The following EDA variants were observed in gnomAD, a reference collection of about 807,000 sequenced individuals.
The protein encoded by EDA is ectodysplasin-A.
In EDA, 2 loss-of-function variants were observed where a neutral mutation model predicts 23.6. The observed-to-expected ratio is 0.08, with a 90% confidence interval of 0.03 to 0.27. EDA has a LOEUF of 0.27. EDA is among the 10% of genes least tolerant of loss of function. EDA has a pLI of 1.00. For synonymous variants in EDA, 131 were observed against 132.0 expected (o/e 0.99, Z 0.05); for missense variants, 229 against 324.2 (o/e 0.71, Z 2.26).
At chrX:69,878,893 G>A (rs979269529) in intron 1 of EDA, among the ~76,000 whole-genome samples, 1 of 110,808 alleles carries the variant, frequency 9.0e-6, no homozygotes, top group Non-Finnish European at 1.9e-5. Flanking sequence ...CAGTGCATAC[G>A]ACTCCTCCAA....
At chrX:69,736,598 G>A (rs1015866949) in intron 1 of EDA, among the ~76,000 whole-genome samples, 3 of 110,386 alleles carry the variant, frequency 2.7e-5, no homozygotes, top group Non-Finnish European at 5.7e-5. Flanking sequence ...CAAAGTGCTG[G>A]GATTACAGGC....
intron 1 of EDA, among the ~76,000 whole-genome samples, chrX:69,672,779 G>T (rs1273955248): frequency 9.1e-6 from 1 of 110,346 alleles, no homozygotes; most frequent in African/African-American, 3.3e-5. Flanking sequence ...CTTCTGAGGA[G>T]GCTGAGGCAG....
chrX:69,639,503 G>A (rs757478437), intron 1 of EDA, among the ~76,000 whole-genome samples: 36 of 111,780 alleles, frequency 3.2e-4, no homozygotes, highest in African/African-American at 1.2e-3. Context: ...GATTGGCATT[G>A]CCCTAAAAAC....
At chrX:69,743,110 A>T (rs1256598141) in intron 1 of EDA, 1 of 111,285 alleles carries the variant, frequency 9.0e-6, no homozygotes, top group East Asian at 2.8e-4. Context: ...AACTAATACA[A>T]GTACTTCCCT....
chrX:69,810,675 G>C (rs2015933563), intron 1 of EDA, among the ~76,000 whole-genome samples: 1 of 106,741 alleles, frequency 9.4e-6, no homozygotes, highest in Non-Finnish European at 1.9e-5. Flanking sequence ...AGAATCACTT[G>C]AACCCAGGAG....
intron 2 of EDA, among the ~76,000 whole-genome samples, chrX:69,997,699 C>G (rs768286226): frequency 3.8e-4 from 42 of 111,315 alleles, no homozygotes; most frequent in Non-Finnish European, 6.6e-4. Flanking sequence ...AAAGTGGTTT[C>G]GTGGGCCAGG....
intron 1 of EDA, among the ~76,000 whole-genome samples, chrX:69,921,345 A>G (rs1259759068): frequency 9.0e-6 from 1 of 111,564 alleles, no homozygotes; most frequent in Non-Finnish European, 1.9e-5. Flanking sequence ...GAGGAAGAAA[A>G]TGTATGTGTA....
intron 1 of EDA, among the ~76,000 whole-genome samples, chrX:69,660,105 A>G (rs1484946717): frequency 9.0e-6 from 1 of 111,500 alleles, no homozygotes; most frequent in Non-Finnish European, 1.9e-5. Flanking sequence ...ATTGAAAAAC[A>G]TTTTAAAAAG....
intron 1 of EDA, among the ~76,000 whole-genome samples, chrX:69,810,875 G>A (rs958229189): frequency 2.7e-5 from 3 of 111,035 alleles, no homozygotes; most frequent in Admixed American, 9.6e-5. Context: ...TTTTATAGTT[G>A]TCCATTAGGG....
At chrX:69,681,230 C>T (rs973676846) in intron 1 of EDA, among the ~76,000 whole-genome samples, 3 of 110,472 alleles carry the variant, frequency 2.7e-5, no homozygotes, top group African/African-American at 9.9e-5. Flanking sequence ...GGTAACCCGA[C>T]CTTTCTCTCT....
At chrX:69,699,556 C>T (rs1306134629) in intron 1 of EDA, among the ~76,000 whole-genome samples, 2 of 111,352 alleles carry the variant, frequency 1.8e-5, no homozygotes, top group Admixed American at 1.9e-4. Context: ...TGGTTTTATG[C>T]TTTTAAGAGT....
At chrX:69,718,238 A>T (rs1253815693) in intron 1 of EDA, among the ~76,000 whole-genome samples, 2 of 112,038 alleles carry the variant, frequency 1.8e-5, no homozygotes, top group Non-Finnish European at 3.8e-5. Flanking sequence ...TAGACATAGC[A>T]TCTGCAAACA....
intron 1 of EDA, among the ~76,000 whole-genome samples, chrX:69,748,940 A>AT (rs796664973): frequency 3.6e-5 from 4 of 109,860 alleles, no homozygotes; most frequent in South Asian, 4.0e-4. Context: ...ATACAGGGTC[A>AT]TTTTTTTTTA....
intron 1 of EDA, among the ~76,000 whole-genome samples, chrX:69,928,368 A>G (rs1334532237): frequency 1.8e-5 from 2 of 112,097 alleles, no homozygotes; most frequent in East Asian, 5.6e-4. Context: ...TTCCTGTTGC[A>G]TTGCAGAGTC....
At chrX:69,718,643 C>A (rs772168803) in intron 1 of EDA, among the ~76,000 whole-genome samples, 1 of 111,242 alleles carries the variant, frequency 9.0e-6, no homozygotes, top group Admixed American at 9.6e-5. Flanking sequence ...CTGGAATAAA[C>A]CCCACTTGTT....
chrX:69,850,760 A>G (rs2017107890), intron 1 of EDA, among the ~76,000 whole-genome samples: 1 of 112,118 alleles, frequency 8.9e-6, no homozygotes, highest in Non-Finnish European at 1.9e-5. Flanking sequence ...CTGACTTTCC[A>G]CAGTCATCTC....
At chrX:69,623,388 G>A (rs1272664360) in intron 1 of EDA, among the ~76,000 whole-genome samples, 1 of 111,324 alleles carries the variant, frequency 9.0e-6, no homozygotes, top group Non-Finnish European at 1.9e-5. Flanking sequence ...GTGGTGGAAG[G>A]GATAAATGCA....
chrX:69,698,596 T>C lies in EDA; in HGVS notation c.396+81892T>C, dbSNP rs190033679. ...AAGAAAAGTTCGGCCATACATGATT[T>C]CAAAGGGACTATAAAAAGAGGGTGC... On this transcript the variant is annotated intron_variant, in intron 1 of 7. Transcript: ENST00000374552. 4.5e-5 allele frequency among the ~76,000 whole-genome samples: 5 copies of C among 111,600 alleles called. No homozygotes were observed. The East Asian group carries it at 1.4e-3, about 32-fold the overall frequency.
chrX:69,842,106 A>G (rs2016908624), intron 1 of EDA, among the ~76,000 whole-genome samples: 1 of 112,026 alleles, frequency 8.9e-6, no homozygotes, highest in Admixed American at 9.4e-5. Context: ...GGGAAGCTTC[A>G]TGTGTATTTA....
Sources: gnomAD v4.1 joint callset for allele counts (sites outside exome capture counted in the v4.1 genomes callset) on GRCh38, gnomAD v4.1.1 for gene constraint, MANE v1.5 for transcripts, NCBI Gene and HGNC (gene_info 2026-07-23, HGNC 2026-07-21) for gene names.